Variants in PSMD14 observed in about 807,000 individuals in gnomAD.
PSMD14 encodes proteasome 26S subunit, non-ATPase 14.
In PSMD14, 7 loss-of-function variants were observed where a neutral mutation model predicts 41.2. The ratio of observed to expected loss-of-function variants is 0.17; its 90% CI spans 0.10 to 0.32. The LOEUF is 0.32. PSMD14 is among the 10% of genes least tolerant of loss of function. The pLI is 1.00. For missense variants in PSMD14, 139 were observed against 375.6 expected, an observed-to-expected ratio of 0.37 and a Z score of 5.21; for synonymous variants, 114 against 122.3, an observed-to-expected ratio of 0.93 and a Z score of 0.45.
chr2:161,389,912 T>TTTTTTTTTG (rs1299369817), intron 8 of PSMD14, among the ~76,000 whole-genome samples: 2 of 130,246 alleles, frequency 1.5e-5, no homozygotes, highest in African/African-American at 6.6e-5. Context: ...TTTTTTTTTT[T>TTTTTTTTTG]AGAGATGGGG....
chr2:161,372,105 C>T (rs1295567047), intron 7 of PSMD14, among the ~76,000 whole-genome samples: 1 of 151,884 alleles, frequency 6.6e-6, no homozygotes, highest in Non-Finnish European at 1.5e-5. Context: ...TTTGCTCAAC[C>T]ACAGGGAGAG....
At chr2:161,348,654 C>G (rs955679853) in intron 3 of PSMD14, among the ~76,000 whole-genome samples, 1 of 152,140 alleles carries the variant, frequency 6.6e-6, no homozygotes, top group African/African-American at 2.4e-5. Flanking sequence ...AATGATACTG[C>G]ATGTTATTTG....
chr2:161,331,601 C>T lies in PSMD14; in HGVS notation c.48+12728C>T, dbSNP rs1682792191. ...CTCAGCCATTCTATAAGGCTTTTGC[C>T]TTGGGAGCTTTCAACTTGAAATGGT... On this transcript the variant is annotated intron_variant, in intron 3 of 11. Transcript: ENST00000409682. Among the ~76,000 whole-genome samples the T allele has an allele frequency of 2.6e-5, 4 of 152,240 alleles. 1 individual carries two copies. The South Asian group carries it at 8.3e-4, about 32-fold the overall frequency.
chr2:161,398,990 A>G (rs890379966), intron 10 of PSMD14, among the ~76,000 whole-genome samples: 2 of 152,146 alleles, frequency 1.3e-5, no homozygotes, highest in Admixed American at 1.3e-4. Context: ...GTTTTAATCA[A>G]GAATTATGTA....
chr2:161,392,815 G>A (rs910065404), intron 9 of PSMD14, among the ~76,000 whole-genome samples: 22 of 152,090 alleles, frequency 1.4e-4, no homozygotes, highest in Admixed American at 2.0e-4. Context: ...AGTACAGTCT[G>A]TGAAAAATGG....
Position 161,312,925 on chromosome 2 carries a change from A to C in PSMD14, c.-137-3512A>C, listed in dbSNP as rs113962719. Among the ~76,000 whole-genome samples, 9 of 152,356 alleles carry C rather than the reference A, an allele frequency of 5.9e-5. 1 individual carries two copies. The highest frequency in any genetic ancestry group is 2.2e-4 in the African/African-American group (9 of 41,582). Reference sequence around the variant, plus strand: ...CCAGTAAGTGGCAAACTATGTGAGGAAGAAGGATCTGTGTTGGTAGCCATG... The same window carrying C: ...CCAGTAAGTGGCAAACTATGTGAGGCAGAAGGATCTGTGTTGGTAGCCATG... On this transcript the variant is annotated intron_variant, in intron 1 of 11. Coordinates refer to ENST00000409682, the MANE Select transcript of PSMD14 (RefSeq NM_005805.6).
At chr2:161,316,612 G>A (rs941306517) in intron 2 of PSMD14, 43 bp downstream of exon 2, 1 of 152,060 alleles carries the variant, frequency 6.6e-6, no homozygotes, top group Admixed American at 6.6e-5. Flanking sequence ...ATTATTTTAC[G>A]GATGGATAGA....
chr2:161,334,455 A>T (rs1269090008), intron 3 of PSMD14, among the ~76,000 whole-genome samples: 2 of 152,258 alleles, frequency 1.3e-5, no homozygotes, highest in Non-Finnish European at 2.9e-5. Context: ...TAGTTAATAG[A>T]TAACCTTGAT....
intron 10 of PSMD14, among the ~76,000 whole-genome samples, chr2:161,398,357 A>G (rs1323959032): frequency 6.6e-6 from 1 of 152,100 alleles, no homozygotes; most frequent in Non-Finnish European, 1.5e-5. Flanking sequence ...TCCTAAAGTA[A>G]AAGAAGGTTA....
At chr2:161,401,742 T>G (rs1036442772) in intron 10 of PSMD14, among the ~76,000 whole-genome samples, 2 of 151,816 alleles carry the variant, frequency 1.3e-5, no homozygotes, top group African/African-American at 4.8e-5. Context: ...GAAGCAACTA[T>G]GTTGTTTAGG....
At chr2:161,318,178 A>G (rs1460181361) in intron 2 of PSMD14, among the ~76,000 whole-genome samples, 2 of 152,204 alleles carry the variant, frequency 1.3e-5, no homozygotes, top group Admixed American at 1.3e-4. Flanking sequence ...TATCTCTACA[A>G]CATCTGAAAC....
chr2:161,353,668 A>G (rs970909843), intron 3 of PSMD14, among the ~76,000 whole-genome samples: 1 of 152,128 alleles, frequency 6.6e-6, no homozygotes, highest in South Asian at 2.1e-4. Context: ...TTCCCTATTT[A>G]TGCATCTATT....
At chr2:161,337,784 A>G (rs1487796616) in intron 3 of PSMD14, among the ~76,000 whole-genome samples, 2 of 152,190 alleles carry the variant, frequency 1.3e-5, no homozygotes, top group Non-Finnish European at 2.9e-5. Flanking sequence ...AGGGGATTAG[A>G]CTATGGATCA....
At chr2:161,311,354 A>T (rs1056737518) in intron 1 of PSMD14, among the ~76,000 whole-genome samples, 2 of 151,860 alleles carry the variant, frequency 1.3e-5, no homozygotes, top group Non-Finnish European at 2.9e-5. Flanking sequence ...ATGTATAGAC[A>T]TTTTTTTTCA....
At chr2:161,399,122 T>A (rs1683841039) in intron 10 of PSMD14, among the ~76,000 whole-genome samples, 1 of 152,138 alleles carries the variant, frequency 6.6e-6, no homozygotes, top group Non-Finnish European at 1.5e-5. Flanking sequence ...TGTAAATGTA[T>A]AAGTGTGTAT....
At chr2:161,379,373 A>G (rs146411153) in intron 7 of PSMD14, among the ~76,000 whole-genome samples, 3 of 152,150 alleles carry the variant, frequency 2.0e-5, no homozygotes, top group Admixed American at 6.6e-5. Context: ...ATGCAGGAGT[A>G]GTATCAAGAT....
intron 11 of PSMD14, among the ~76,000 whole-genome samples, chr2:161,410,812 A>G (rs1409308156): frequency 2.0e-5 from 3 of 152,198 alleles, no homozygotes; most frequent in East Asian, 3.9e-4. Context: ...GAAATATTAA[A>G]ATTGTACAGA....
At chr2:161,333,851 T>A (rs1682829629) in intron 3 of PSMD14, among the ~76,000 whole-genome samples, 1 of 151,286 alleles carries the variant, frequency 6.6e-6, no homozygotes. Context: ...GTCAGCATGG[T>A]GAAACCCCAT....
chr2:161,347,729 C>T (rs116754729), intron 3 of PSMD14, among the ~76,000 whole-genome samples: 1,592 of 152,284 alleles, frequency 0.01, 19 homozygotes, highest in African/African-American at 0.036. Context: ...ACGATTGATT[C>T]ATTTTCATCT....
Sources: gnomAD v4.1 joint callset for allele counts (sites outside exome capture counted in the v4.1 genomes callset) on GRCh38, gnomAD v4.1.1 for gene constraint, MANE v1.5 for transcripts, NCBI Gene and HGNC (gene_info 2026-07-23, HGNC 2026-07-21) for gene names.